C8orf34: variants seen among roughly 807,000 people sequenced by gnomAD.
C8orf34 encodes the protein uncharacterized protein C8orf34.
Under a neutral mutation model 68.3 loss-of-function variants are expected in C8orf34, and 65 were observed. That is an observed-to-expected ratio of 0.95 (90% CI 0.78 to 1.17). The LOEUF is 1.17. C8orf34 is among the 50% of genes most tolerant of loss of function. The pLI, the probability that C8orf34 is intolerant of heterozygous loss-of-function variation, is 0.00. For synonymous variants in C8orf34, 244 were observed against 241.2 expected, an observed-to-expected ratio of 1.01 and a Z score of -0.11; for missense variants, 664 against 655.4, an observed-to-expected ratio of 1.01 and a Z score of -0.14.
At chr8:68,552,042 T>C (rs1816091401) in intron 7 of C8orf34, among the ~76,000 whole-genome samples, 1 of 152,152 alleles carries the variant, frequency 6.6e-6, no homozygotes, top group Admixed American at 6.5e-5. Context: ...TGACCATACA[T>C]GTTTGAGTTT....
At chr8:68,811,378 C>T (rs1466492915) in intron 12 of C8orf34, among the ~76,000 whole-genome samples, 1 of 152,234 alleles carries the variant, frequency 6.6e-6, no homozygotes, top group Non-Finnish European at 1.5e-5. Context: ...CCCAAGAGCA[C>T]AAGGATGCCT....
chr8:68,579,268 A>C (rs1816993901), intron 7 of C8orf34, among the ~76,000 whole-genome samples: 1 of 152,176 alleles, frequency 6.6e-6, no homozygotes, highest in Non-Finnish European at 1.5e-5. Flanking sequence ...GCACAAAATG[A>C]AAATAATTGA....
At chr8:68,400,966 C>T (rs117175112) in intron 1 of C8orf34, among the ~76,000 whole-genome samples, 197 of 152,192 alleles carry the variant, frequency 1.3e-3, no homozygotes, top group Non-Finnish European at 2.3e-3. Flanking sequence ...ATTGCTTGGG[C>T]AGTGTGGTCA....
At chr8:68,790,962 T>C (rs1270422457) in intron 12 of C8orf34, 3 of 628,774 alleles carry the variant, frequency 4.8e-6, no homozygotes, top group Non-Finnish European at 8.5e-6. Context: ...CTTCATAGTA[T>C]TGTTAAACTT....
chr8:68,736,192 G>A (rs562049220), intron 10 of C8orf34, among the ~76,000 whole-genome samples: 3 of 152,232 alleles, frequency 2.0e-5, no homozygotes, highest in South Asian at 4.1e-4. Context: ...TCAAATGGTC[G>A]ACTTTTGATG....
chr8:68,684,860 T>G (rs1481055419), intron 8 of C8orf34, among the ~76,000 whole-genome samples: 4 of 152,054 alleles, frequency 2.6e-5, no homozygotes, highest in Non-Finnish European at 5.9e-5. Context: ...TCACCCAGGC[T>G]GGAGTGCAAA....
At chr8:68,650,706 C>T (rs1819332148) in intron 8 of C8orf34, among the ~76,000 whole-genome samples, 2 of 152,028 alleles carry the variant, frequency 1.3e-5, no homozygotes, top group African/African-American at 4.8e-5. Flanking sequence ...GTCTCGATCT[C>T]CTGACCTCGT....
chr8:68,651,875 C>T (rs1215026746), intron 8 of C8orf34, among the ~76,000 whole-genome samples: 1 of 152,078 alleles, frequency 6.6e-6, no homozygotes, highest in African/African-American at 2.4e-5. Flanking sequence ...ATGTAACAAA[C>T]CTGTACATGT....
At chr8:68,742,842 A>T (rs1822343064) in intron 10 of C8orf34, among the ~76,000 whole-genome samples, 1 of 152,066 alleles carries the variant, frequency 6.6e-6, no homozygotes, top group African/African-American at 2.4e-5. Flanking sequence ...ATTTTATTTC[A>T]TCCTTCTGTG....
At chr8:68,750,225 A>G (rs116263736) in intron 10 of C8orf34, among the ~76,000 whole-genome samples, 1 of 152,198 alleles carries the variant, frequency 6.6e-6, no homozygotes, top group Non-Finnish European at 1.5e-5. Context: ...AACCCAACAT[A>G]CATGAACTAA....
At chr8:68,494,307 T>C (rs907863041) in intron 5 of C8orf34, among the ~76,000 whole-genome samples, 2 of 152,198 alleles carry the variant, frequency 1.3e-5, no homozygotes, top group Admixed American at 1.3e-4. Flanking sequence ...TCTACTTATA[T>C]GAAGTATTTA....
chr8:68,494,473 A>G (rs931440683), intron 5 of C8orf34, among the ~76,000 whole-genome samples: 1 of 152,206 alleles, frequency 6.6e-6, no homozygotes, highest in African/African-American at 2.4e-5. Context: ...GCTGCACAAC[A>G]ACATAAATAA....
intron 7 of C8orf34, among the ~76,000 whole-genome samples, chr8:68,636,475 C>T (rs1404404226): frequency 1.3e-5 from 2 of 151,692 alleles, no homozygotes; most frequent in East Asian, 3.9e-4. Context: ...ATCCCAGCTA[C>T]TTAGGAGGCT....
chr8:68,616,443 C>T (rs1818216544), intron 7 of C8orf34, among the ~76,000 whole-genome samples: 1 of 152,102 alleles, frequency 6.6e-6, no homozygotes, highest in African/African-American at 2.4e-5. Flanking sequence ...ATAAATTTCC[C>T]TATACACACT....
rs546150347 is a variant in C8orf34, at chr8:68,615,416, G to A, written c.1106-24960G>A. On this transcript the variant is annotated intron_variant, in intron 7 of 13. Coordinates refer to ENST00000518698, the MANE Select transcript of C8orf34 (RefSeq NM_052958.4). ...GTTTTTGCCCATTCAGTATGATATTGGCTGTGGGTTTGTCATAGATAGTTC... is the reference window on the plus strand; with the variant it reads ...GTTTTTGCCCATTCAGTATGATATTAGCTGTGGGTTTGTCATAGATAGTTC... Among the ~76,000 whole-genome samples the A allele has an allele frequency of 4.0e-3, 608 of 151,904 alleles. 1 individual carries two copies. Among genetic ancestry groups the A allele is most frequent in the African/African-American group, 0.014 (580 of 41,388 alleles).
chr8:68,526,117 C>T (rs1363792799), intron 6 of C8orf34, among the ~76,000 whole-genome samples: 4 of 151,772 alleles, frequency 2.6e-5, no homozygotes, highest in African/African-American at 9.7e-5. Flanking sequence ...CCCACCATGC[C>T]CAGCTAATTT....
intron 7 of C8orf34, among the ~76,000 whole-genome samples, chr8:68,579,698 T>C (rs1817005100): frequency 6.6e-6 from 1 of 152,200 alleles, no homozygotes; most frequent in South Asian, 2.1e-4. Flanking sequence ...TCACCATTTG[T>C]GGTCCAAAGG....
At chr8:68,777,273 G>T (rs914258084) in intron 11 of C8orf34, among the ~76,000 whole-genome samples, 9 of 152,178 alleles carry the variant, frequency 5.9e-5, no homozygotes, top group African/African-American at 1.9e-4. Context: ...AATATGTCCT[G>T]TCTAGGTCTA....
chr8:68,374,072 T>C (rs1364941397), intron 1 of C8orf34, among the ~76,000 whole-genome samples: 2 of 152,162 alleles, frequency 1.3e-5, no homozygotes, highest in Non-Finnish European at 2.9e-5. Context: ...TGCACCATCA[T>C]GCCCACCTAA....
Sources: allele counts gnomAD v4.1 joint callset (sites outside exome capture counted in the v4.1 genomes callset), GRCh38; gene constraint gnomAD v4.1.1; transcripts MANE v1.5; gene names NCBI Gene and HGNC (gene_info 2026-07-23, HGNC 2026-07-21).